Variants in SLC22A15 observed in about 807,000 individuals in gnomAD.
SLC22A15 encodes solute carrier family 22 member 15, also known as flipt 1.
In SLC22A15, 45 loss-of-function variants were observed where a neutral mutation model predicts 62.7. The observed-to-expected ratio is 0.72, with a 90% CI of 0.56 to 0.92. SLC22A15 has a LOEUF of 0.92. Ranked by LOEUF, SLC22A15 falls within the 40% of genes least tolerant of loss-of-function variation. SLC22A15 has a pLI of 0.00. For synonymous variants in SLC22A15, 264 were observed against 267.0 expected, an observed-to-expected ratio of 0.99 and a Z score of 0.11; for missense variants, 622 against 665.6, an observed-to-expected ratio of 0.93 and a Z score of 0.72.
chr1:116,051,884 G>A (rs1658062604), intron 8 of SLC22A15, among the ~76,000 whole-genome samples: 1 of 152,198 alleles, frequency 6.6e-6, no homozygotes, highest in Non-Finnish European at 1.5e-5. Flanking sequence ...TCCTGGGTAT[G>A]TCTTTATCAG....
In SLC22A15 at chr1:116,023,456, T is replaced by C. The variant is rs897913049; in HGVS notation, c.598+2571T>C. Among the ~76,000 whole-genome samples the C allele has an allele frequency of 1.6e-4, 25 of 152,358 alleles. No homozygotes were observed. The South Asian group carries it at 2.1e-3, about 13-fold the overall frequency. ...TCAAACTAAAGAATACATGTAGTCC[T>C]ATTCCCCTAGAGACGACCATGGTTA... On this transcript the variant is annotated intron_variant, in intron 4 of 11. Transcript: ENST00000369503.
chr1:116,047,021 G>A (rs1161072388), intron 8 of SLC22A15, among the ~76,000 whole-genome samples: 1 of 152,094 alleles, frequency 6.6e-6, no homozygotes, highest in Non-Finnish European at 1.5e-5. Flanking sequence ...AAAATCCTGG[G>A]AGTTCTAGGG....
intron 2 of SLC22A15, among the ~76,000 whole-genome samples, chr1:115,993,767 G>A (rs1303682985): frequency 6.6e-6 from 1 of 152,106 alleles, no homozygotes; most frequent in Admixed American, 6.5e-5. Flanking sequence ...GACCCTATGA[G>A]TTACATTCAG....
intron 2 of SLC22A15, among the ~76,000 whole-genome samples, chr1:116,009,221 T>C (rs1416797779): frequency 6.6e-6 from 1 of 152,146 alleles, no homozygotes; most frequent in African/African-American, 2.4e-5. Flanking sequence ...CTGTTTCACA[T>C]GTTTAACACA....
rs754520667 is a variant in SLC22A15 at position 116,031,443 on chromosome 1, C to T, written c.806C>T (p.Ala269Val). ...SEAEEALYLI[A>V]KRNRKLKCTF... ...GCTGAAGAGGCGCTGTACCTCATTG[C>T]CAAGAGGAACCGCAAACTCAAGTGC... Residue 269 changes from alanine (A) to valine (V), a missense_variant, in exon 6 of 12, where the codon GCC becomes GTC. Physicochemically the swap from Ala to Val is moderately conservative, Grantham distance 64 (BLOSUM62 0). Coordinates refer to ENST00000369503, the MANE Select transcript of SLC22A15 (RefSeq NM_018420.3). The T allele has an allele frequency of 1.2e-6, 2 of 1,613,808 alleles. No homozygotes were observed. Among genetic ancestry groups the T allele is most frequent in the African/African-American group, 2.7e-5 (2 of 74,910 alleles).
chr1:116,062,156 G>GT (rs1391404650), intron 8 of SLC22A15, among the ~76,000 whole-genome samples: 1 of 152,132 alleles, frequency 6.6e-6, no homozygotes, highest in Non-Finnish European at 1.5e-5. Context: ...TTGCAGTGAG[G>GT]TGAGATCGCG....
chr1:115,977,230 T>C (rs947970514), intron 1 of SLC22A15, among the ~76,000 whole-genome samples: 3 of 152,152 alleles, frequency 2.0e-5, no homozygotes, highest in African/African-American at 7.2e-5. Flanking sequence ...CTTACTCTTC[T>C]AGGGGCTTTC....
At chr1:116,034,681 G>A (rs1054377159) in intron 6 of SLC22A15, among the ~76,000 whole-genome samples, 5 of 152,170 alleles carry the variant, frequency 3.3e-5, no homozygotes. Flanking sequence ...GGGGATTGGA[G>A]TGCCAGTCAT....
chr1:115,984,152 G>A (rs1654743741), intron 1 of SLC22A15, among the ~76,000 whole-genome samples: 1 of 152,140 alleles, frequency 6.6e-6, no homozygotes, highest in South Asian at 2.1e-4. Context: ...AACTAGCAAG[G>A]GGTACTCAGA....
intron 7 of SLC22A15, among the ~76,000 whole-genome samples, chr1:116,035,772 T>G (rs958247173): frequency 1.3e-5 from 2 of 152,222 alleles, no homozygotes; most frequent in African/African-American, 4.8e-5. Flanking sequence ...TGGCCCATCT[T>G]ACTTTGTTGA....
intron 8 of SLC22A15, among the ~76,000 whole-genome samples, chr1:116,060,161 C>CTTTGT (rs1658342254): frequency 2.0e-5 from 3 of 152,280 alleles, no homozygotes; most frequent in Admixed American, 2.0e-4. Context: ...GCCCAGCAGC[C>CTTTGT]CCACAGGCAG....
intron 2 of SLC22A15, among the ~76,000 whole-genome samples, chr1:116,004,890 G>A (rs976411021): frequency 5.3e-5 from 8 of 152,092 alleles, no homozygotes; most frequent in African/African-American, 1.7e-4. Context: ...TATTGGATGA[G>A]TTGTGGTTGT....
chr1:115,985,972 A>C (rs1345017315), intron 1 of SLC22A15, among the ~76,000 whole-genome samples: 1 of 151,728 alleles, frequency 6.6e-6, no homozygotes, highest in East Asian at 1.9e-4. Flanking sequence ...AAGAGAGAGA[A>C]ACAGATGCGA....
chr1:116,000,615 C>CT (rs200655659), intron 2 of SLC22A15, among the ~76,000 whole-genome samples: 1 of 123,060 alleles, frequency 8.1e-6, no homozygotes, highest in Non-Finnish European at 1.6e-5. Context: ...CATGTAATTT[C>CT]TTTTTTTTCC....
chr1:116,004,913 A>G (rs1655903125), intron 2 of SLC22A15, among the ~76,000 whole-genome samples: 1 of 152,140 alleles, frequency 6.6e-6, no homozygotes, highest in African/African-American at 2.4e-5. Flanking sequence ...GTACTTTTCC[A>G]GGAATTGGTC....
At chr1:116,006,916 A>G (rs1302746623) in intron 2 of SLC22A15, among the ~76,000 whole-genome samples, 2 of 148,774 alleles carry the variant, frequency 1.3e-5, no homozygotes, top group Non-Finnish European at 1.5e-5. Flanking sequence ...TCGCTTCCTC[A>G]CCCTGTCTCC....
intron 1 of SLC22A15, among the ~76,000 whole-genome samples, chr1:115,979,081 C>A (rs1326133565): frequency 1.3e-5 from 2 of 152,032 alleles, no homozygotes; most frequent in Non-Finnish European, 2.9e-5. Context: ...ATTTTACAGG[C>A]CTTTTAACAT....
intron 1 of SLC22A15, among the ~76,000 whole-genome samples, chr1:115,989,598 T>A (rs953307381): frequency 6.6e-6 from 1 of 152,062 alleles, no homozygotes. Context: ...CTGGCCAACA[T>A]GGTGAAACCT....
intron 4 of SLC22A15, among the ~76,000 whole-genome samples, chr1:116,023,417 A>G (rs1656935934): frequency 6.6e-6 from 1 of 152,230 alleles, no homozygotes; most frequent in Non-Finnish European, 1.5e-5. Context: ...ATTAAGAAAT[A>G]TATGCACACG....
Sources: allele counts gnomAD v4.1 joint callset (sites outside exome capture counted in the v4.1 genomes callset), GRCh38; gene constraint gnomAD v4.1.1; transcripts MANE v1.5; gene names NCBI Gene and HGNC (gene_info 2026-07-23, HGNC 2026-07-21).